MAGI1: variants seen among roughly 807,000 people sequenced by gnomAD.
MAGI1 encodes membrane-associated guanylate kinase, WW and PDZ domain-containing protein 1.
In MAGI1, 58 loss-of-function variants were observed where a neutral mutation model predicts 139.9. The observed-to-expected ratio is 0.41, with a 90% CI of 0.34 to 0.52. The LOEUF is 0.52. MAGI1 is among the 20% of genes least tolerant of loss of function. The pLI is 0.12. For synonymous variants in MAGI1, 812 were observed against 737.9 expected (o/e 1.10, Z -1.63); for missense variants, 1,874 against 1,901.6 (o/e 0.99, Z 0.27).
At chr3:65,782,074 C>T (rs2038980343) in intron 1 of MAGI1, among the ~76,000 whole-genome samples, 1 of 152,204 alleles carries the variant, frequency 6.6e-6, no homozygotes, top group Non-Finnish European at 1.5e-5. Flanking sequence ...AAGGGAAACA[C>T]TTGTCAATCA....
At chr3:65,673,305 A>C (rs1417312681) in intron 1 of MAGI1, among the ~76,000 whole-genome samples, 2 of 152,208 alleles carry the variant, frequency 1.3e-5, no homozygotes, top group African/African-American at 4.8e-5. Flanking sequence ...TAACTGCCTC[A>C]AATTTCCTGA....
intron 1 of MAGI1, among the ~76,000 whole-genome samples, chr3:65,906,290 G>T (rs1403172915): frequency 6.6e-6 from 1 of 152,172 alleles, no homozygotes. Context: ...CATGAAGAAG[G>T]AAGCACCAGG....
chr3:65,462,576 T>G lies in MAGI1; in HGVS notation c.959+7707A>C, dbSNP rs578047648. ...ATGATGCCTCCAGCTTTGTTCTTTTTGCTTAGGATTGTCTTGGCTACATGC... is the reference window on the plus strand; with the variant it reads ...ATGATGCCTCCAGCTTTGTTCTTTTGGCTTAGGATTGTCTTGGCTACATGC... On this transcript the variant is annotated intron_variant, in intron 5 of 22. Coordinates refer to ENST00000402939, the MANE Select transcript of MAGI1 (RefSeq NM_001033057.2). Among the ~76,000 whole-genome samples the G allele has an allele frequency of 1.1e-4, 16 of 152,322 alleles. No homozygotes were observed. The South Asian group carries it at 3.1e-3, about 30-fold the overall frequency.
chr3:65,438,624 C>G (rs1480931384), intron 9 of MAGI1, among the ~76,000 whole-genome samples: 5 of 152,188 alleles, frequency 3.3e-5, no homozygotes, highest in Non-Finnish European at 7.3e-5. Context: ...ATTGTACAGT[C>G]CAGGGCAGTG....
intron 2 of MAGI1, among the ~76,000 whole-genome samples, chr3:65,560,027 C>A (rs531192284): frequency 1.3e-5 from 2 of 152,124 alleles, no homozygotes; most frequent in African/African-American, 2.4e-5. Flanking sequence ...GAGAGTGAGA[C>A]CCTGTCTCGA....
intron 1 of MAGI1, among the ~76,000 whole-genome samples, chr3:65,669,334 CTT>C (rs774850533): frequency 1.2e-4 from 19 of 152,278 alleles, no homozygotes; most frequent in Non-Finnish European, 1.6e-4. Flanking sequence ...CAAAATTGCT[CTT>C]GTTTGATGAG....
intron 1 of MAGI1, among the ~76,000 whole-genome samples, chr3:65,652,040 A>G (rs934817161): frequency 1.3e-5 from 2 of 152,234 alleles, no homozygotes; most frequent in African/African-American, 2.4e-5. Flanking sequence ...ATCTACTTCC[A>G]AACTTCAACA....
chr3:65,986,870 ATT>A (rs57745762), intron 1 of MAGI1, among the ~76,000 whole-genome samples: 20,260 of 137,326 alleles, frequency 0.15, 1,425 homozygotes, highest in East Asian at 0.26. Context: ...TAAGGAAGGG[ATT>A]TTTTTTTTTT....
intron 1 of MAGI1, among the ~76,000 whole-genome samples, chr3:65,843,314 G>C (rs2058873066): frequency 6.6e-6 from 1 of 152,106 alleles, no homozygotes; most frequent in East Asian, 1.9e-4. Context: ...GAATGATCCT[G>C]GGAGGAGATT....
chr3:65,454,059 A>G (rs1273166434), intron 5 of MAGI1, among the ~76,000 whole-genome samples: 1 of 152,130 alleles, frequency 6.6e-6, no homozygotes. Context: ...CACATTCCCA[A>G]AGATATCGCC....
chr3:65,914,945 G>A (rs571624277), intron 1 of MAGI1, among the ~76,000 whole-genome samples: 6 of 152,134 alleles, frequency 3.9e-5, no homozygotes, highest in Non-Finnish European at 7.3e-5. Context: ...AAGTTACACA[G>A]GAATAAATTT....
At chr3:65,479,020 C>A (rs1951076901) in intron 3 of MAGI1, among the ~76,000 whole-genome samples, 1 of 152,096 alleles carries the variant, frequency 6.6e-6, no homozygotes, top group African/African-American at 2.4e-5. Context: ...TGTTTTAGTG[C>A]AAACAACCTA....
At chr3:65,812,173 T>C (rs936720349) in intron 1 of MAGI1, among the ~76,000 whole-genome samples, 4 of 152,094 alleles carry the variant, frequency 2.6e-5, no homozygotes, top group Non-Finnish European at 5.9e-5. Flanking sequence ...AATAAATACT[T>C]TTTTTAAGTG....
chr3:65,675,449 T>G (rs1012076730), intron 1 of MAGI1, among the ~76,000 whole-genome samples: 104 of 152,176 alleles, frequency 6.8e-4, no homozygotes, highest in African/African-American at 2.5e-3. Flanking sequence ...CTTGAAAGTT[T>G]TATTAATAGT....
chr3:65,493,613 C>T lies in MAGI1; in HGVS notation c.449G>A (p.Arg150Lys). 4 of 1,614,198 alleles carry T rather than the reference C, an allele frequency of 2.5e-6. No homozygotes were observed. The highest frequency in any genetic ancestry group is 3.4e-6 in the Non-Finnish European group (4 of 1,180,042). ...HAVPCTTRSP[R>K]EGEVPGVDYN... ...GTCCACGCCAGGCACTTCTCCTTCT[C>T]TGGGAGATCGGGTTGTGCCTGTAGC... The change falls in exon 3 of 23, where the codon AGA becomes AAA. Residue 150 changes from arginine (R) to lysine (K), a missense_variant. Transcript: ENST00000402939.
At chr3:65,997,524 C>T (rs1387926310) in intron 1 of MAGI1, among the ~76,000 whole-genome samples, 10 of 152,044 alleles carry the variant, frequency 6.6e-5, no homozygotes, top group African/African-American at 2.4e-4. Flanking sequence ...GGCGTGGTAG[C>T]GGGTGCCTGT....
chr3:65,413,090 A>AG (rs991569202), intron 12 of MAGI1, among the ~76,000 whole-genome samples: 1 of 151,552 alleles, frequency 6.6e-6, no homozygotes, highest in African/African-American at 2.4e-5. Context: ...TGATGAAAAA[A>AG]AATCTCAGAT....
chr3:65,538,726 G>A, intron 2 of MAGI1, among the ~76,000 whole-genome samples: 1 of 151,980 alleles, frequency 6.6e-6, no homozygotes, highest in East Asian at 1.9e-4. Context: ...ACACCAGACG[G>A]ACAGGAAGGG....
intron 2 of MAGI1, among the ~76,000 whole-genome samples, chr3:65,542,900 T>C (rs963930882): frequency 1.3e-5 from 2 of 151,872 alleles, no homozygotes; most frequent in Non-Finnish European, 2.9e-5. Context: ...AATTGACAAA[T>C]GGGATCTAAT....
Sources: allele counts gnomAD v4.1 joint callset (sites outside exome capture counted in the v4.1 genomes callset), GRCh38; gene constraint gnomAD v4.1.1; transcripts MANE v1.5; gene names NCBI Gene and HGNC (gene_info 2026-07-23, HGNC 2026-07-21).